SORCS2: variants seen among roughly 807,000 people sequenced by gnomAD.
SORCS2 encodes sortilin related VPS10 domain containing receptor 2, also known as VPS10 domain-containing receptor SorCS2.
Under a neutral mutation model 141.6 loss-of-function variants are expected in SORCS2, and 100 were observed. The observed-to-expected ratio is 0.71, with a 90% confidence interval of 0.60 to 0.83. The LOEUF is 0.83. Ranked by LOEUF, SORCS2 falls within the 40% of genes least tolerant of loss-of-function variation. SORCS2 has a pLI of 0.00. For synonymous variants in SORCS2, 789 were observed against 676.9 expected (o/e 1.17, Z -2.57); for missense variants, 1,646 against 1,560.2 (o/e 1.05, Z -0.93).
At chr4:7,248,057 C>G (rs1713235464) in intron 1 of SORCS2, among the ~76,000 whole-genome samples, 1 of 152,238 alleles carries the variant, frequency 6.6e-6, no homozygotes, top group Admixed American at 6.5e-5. Context: ...CGAGCCCCAT[C>G]ATACACACAG....
intron 1 of SORCS2, among the ~76,000 whole-genome samples, chr4:7,281,677 A>C (rs1455578743): frequency 6.6e-6 from 1 of 152,140 alleles, no homozygotes; most frequent in East Asian, 1.9e-4. Flanking sequence ...TGAGTGGCCA[A>C]ACCCTAGCCT....
intron 6 of SORCS2, among the ~76,000 whole-genome samples, chr4:7,662,832 C>T (rs1560465495): frequency 6.6e-6 from 1 of 152,230 alleles, no homozygotes; most frequent in Admixed American, 6.5e-5. Flanking sequence ...ATCAGGGCTA[C>T]TATACCCAGC....
At chr4:7,566,574 AC>A (rs1715033843) in intron 3 of SORCS2, among the ~76,000 whole-genome samples, 1 of 152,198 alleles carries the variant, frequency 6.6e-6, no homozygotes, top group South Asian at 2.1e-4. Flanking sequence ...GACAAGCAAA[AC>A]CCCAAATCTC....
chr4:7,490,429 A>G (rs1239151161), intron 2 of SORCS2, among the ~76,000 whole-genome samples: 1 of 152,092 alleles, frequency 6.6e-6, no homozygotes, highest in Non-Finnish European at 1.5e-5. Context: ...GAGCTCAACC[A>G]TAAGAAAGGT....
At chr4:7,672,335 A>T (rs1722849290) in intron 8 of SORCS2, among the ~76,000 whole-genome samples, 1 of 152,154 alleles carries the variant, frequency 6.6e-6, no homozygotes, top group Non-Finnish European at 1.5e-5. Flanking sequence ...TCATCAACAG[A>T]TGTCTCATCA....
At chr4:7,371,346 T>A (rs945599694) in intron 1 of SORCS2, among the ~76,000 whole-genome samples, 6 of 152,136 alleles carry the variant, frequency 3.9e-5, no homozygotes, top group African/African-American at 1.4e-4. Flanking sequence ...GCCGGGCCCT[T>A]CTTGAGAACC....
intron 1 of SORCS2, among the ~76,000 whole-genome samples, chr4:7,260,791 T>C (rs1398144588): frequency 6.6e-6 from 1 of 152,188 alleles, no homozygotes; most frequent in Non-Finnish European, 1.5e-5. Context: ...CCACTAGCGC[T>C]GGAGACACAG....
chr4:7,377,216 A>G (rs1722711722), intron 1 of SORCS2, among the ~76,000 whole-genome samples: 1 of 151,884 alleles, frequency 6.6e-6, no homozygotes, highest in Non-Finnish European at 1.5e-5. Flanking sequence ...TGAAATGGTT[A>G]TGCTATGGTT....
intron 2 of SORCS2, among the ~76,000 whole-genome samples, chr4:7,514,142 C>A (rs1044676054): frequency 8.5e-5 from 13 of 152,086 alleles, no homozygotes; most frequent in African/African-American, 2.9e-4. Context: ...AAGCTGGAGC[C>A]GACAGCTCCA....
chr4:7,726,932 G>C lies in SORCS2; in HGVS notation c.2869+29G>C, dbSNP rs376703070. The C allele has an allele frequency of 4.5e-3, 7,180 of 1,599,830 alleles. 21 individuals carry two copies. The highest frequency in any genetic ancestry group is 5.5e-3 in the Non-Finnish European group (6,465 of 1,170,278). On this transcript the variant is annotated intron_variant, in intron 21 of 26. Coordinates refer to ENST00000507866, the MANE Select transcript of SORCS2 (RefSeq NM_020777.3). The stretch of plus-strand genomic sequence containing the variant: ...AGTACTTCCTGGGGTCTGGCAGCAC[G>C]GCCTCTGCATCTCTGCTGCAGTCCA...
chr4:7,277,617 C>T (rs558991588), intron 1 of SORCS2, among the ~76,000 whole-genome samples: 26 of 151,958 alleles, frequency 1.7e-4, no homozygotes, highest in African/African-American at 5.1e-4. Context: ...TTGGATTAGA[C>T]GGGGGAGATG....
At chr4:7,221,257 C>G (rs2108760841) in intron 1 of SORCS2, among the ~76,000 whole-genome samples, 1 of 152,310 alleles carries the variant, frequency 6.6e-6, no homozygotes, top group South Asian at 2.1e-4. Flanking sequence ...GTCAGAATCT[C>G]CTGAGGACTT....
intron 1 of SORCS2, among the ~76,000 whole-genome samples, chr4:7,255,394 C>G (rs2108811895): frequency 6.6e-6 from 1 of 152,240 alleles, no homozygotes. Flanking sequence ...TATGAATGGG[C>G]TCAGTGAAAT....
Position 7,703,271 on chromosome 4 carries a change from C to G in SORCS2, c.1669-9C>G, listed in dbSNP as rs1215920109. ...GCCCTGCCCTCAGCCACACCACTCTCCTCTGCAGGTGTTTGAGGAAGAGCA... is the reference window on the plus strand; with the variant it reads ...GCCCTGCCCTCAGCCACACCACTCTGCTCTGCAGGTGTTTGAGGAAGAGCA... On this transcript the variant is annotated splice_polypyrimidine_tract_variant and intron_variant, in intron 12 of 26. Coordinates refer to ENST00000507866, the MANE Select transcript of SORCS2 (RefSeq NM_020777.3). 1 of 1,608,576 alleles carries G rather than the reference C, an allele frequency of 6.2e-7. No individual in the cohort carries two copies. Among genetic ancestry groups the G allele is most frequent in the East Asian group, 2.2e-5 (1 of 44,686 alleles).
chr4:7,364,898 G>A (rs1186395990), intron 1 of SORCS2, among the ~76,000 whole-genome samples: 2 of 152,202 alleles, frequency 1.3e-5, no homozygotes, highest in Non-Finnish European at 2.9e-5. Context: ...GTGGCTCAAG[G>A]AGCTAGCCTA....
intron 3 of SORCS2, among the ~76,000 whole-genome samples, chr4:7,558,441 G>T (rs755776122): frequency 6.6e-6 from 1 of 152,166 alleles, no homozygotes; most frequent in Non-Finnish European, 1.5e-5. Flanking sequence ...CTACCACTTT[G>T]GGCTGAGGAA....
chr4:7,627,529 T>A (rs1370978005), intron 3 of SORCS2, among the ~76,000 whole-genome samples: 1 of 152,208 alleles, frequency 6.6e-6, no homozygotes, highest in African/African-American at 2.4e-5. Context: ...GAACCATGAA[T>A]GCTGACAGAT....
At chr4:7,365,366 G>A (rs1247532693) in intron 1 of SORCS2, among the ~76,000 whole-genome samples, 2 of 152,148 alleles carry the variant, frequency 1.3e-5, no homozygotes, top group Non-Finnish European at 2.9e-5. Context: ...TGGGGAAGGG[G>A]TGTGTGGCGA....
At chr4:7,528,741 T>C (rs1733851813) in intron 2 of SORCS2, among the ~76,000 whole-genome samples, 1 of 152,132 alleles carries the variant, frequency 6.6e-6, no homozygotes, top group Non-Finnish European at 1.5e-5. Context: ...TGGACCTGAC[T>C]TCCTTGTCCT....
Sources: gnomAD v4.1 joint callset for allele counts (sites outside exome capture counted in the v4.1 genomes callset) on GRCh38, gnomAD v4.1.1 for gene constraint, MANE v1.5 for transcripts, NCBI Gene and HGNC (gene_info 2026-07-23, HGNC 2026-07-21) for gene names.